Variants in PIP5K1C observed in about 807,000 individuals in gnomAD.
PIP5K1C encodes the protein phosphatidylinositol 4-phosphate 5-kinase type-1 gamma.
In PIP5K1C, 45 loss-of-function variants were observed where a neutral mutation model predicts 80.1. That is an observed-to-expected ratio of 0.56 (90% CI 0.44 to 0.72). The LOEUF (loss-of-function observed/expected upper bound fraction) is 0.72, where lower values mean the gene tolerates loss of function less well. PIP5K1C is among the 30% of genes least tolerant of loss of function. The pLI is 0.00. For missense variants in PIP5K1C, 753 were observed against 954.6 expected (o/e 0.79, Z 2.78); for synonymous variants, 498 against 420.1 (o/e 1.19, Z -2.27).
chr19:3,680,205 T>C (rs897767841), intron 1 of PIP5K1C, among the ~76,000 whole-genome samples: 1 of 152,198 alleles, frequency 6.6e-6, no homozygotes, highest in Non-Finnish European at 1.5e-5. Flanking sequence ...CGTTCATCCA[T>C]CCATCCATCC....
intron 5 of PIP5K1C, among the ~76,000 whole-genome samples, chr19:3,659,866 G>A (rs1256869044): frequency 3.9e-5 from 6 of 152,204 alleles, no homozygotes; most frequent in South Asian, 2.1e-4. Flanking sequence ...ACAAGGAACC[G>A]ACCACCGCGG....
chr19:3,669,568 G>A (rs995053100), intron 1 of PIP5K1C: 2 of 152,294 alleles, frequency 1.3e-5, no homozygotes, highest in African/African-American at 4.8e-5. Flanking sequence ...CCAGCAAAGA[G>A]TGCAGAGAAG....
chr19:3,643,295 G>A lies in PIP5K1C; in HGVS notation c.1597C>T (p.Leu533Phe), dbSNP rs1421587889. 7.4e-6 allele frequency: 12 copies of A among 1,614,042 alleles called. No homozygotes were observed. Among genetic ancestry groups the A allele is most frequent in the Non-Finnish European group, 1.0e-5 (12 of 1,179,978 alleles). Reference sequence around the variant, plus strand: ...GAGGGGGACCGCTCAGGAATGGAGAGGGATGTGGATGACAGAGTCGTGGCA... The same window carrying A: ...GAGGGGGACCGCTCAGGAATGGAGAAGGATGTGGATGACAGAGTCGTGGCA... Reference protein sequence around the residue: ...SIATTLSSTSLSIPERSPSET... With the variant: ...SIATTLSSTSFSIPERSPSET... Residue 533 changes from leucine (L) to phenylalanine (F), a missense_variant, in exon 13 of 18, where the codon CTC (leucine) becomes TTC (phenylalanine). Coordinates refer to ENST00000335312, the MANE Select transcript of PIP5K1C (RefSeq NM_012398.3).
rs187843760 is a variant in PIP5K1C at position 3,654,953 on chromosome 19, C to T, written c.622-1364G>A. Among the ~76,000 whole-genome samples the T allele has an allele frequency of 6.7e-3, 1,008 of 151,486 alleles. 13 individuals carry two copies. Among genetic ancestry groups the T allele is most frequent in the African/African-American group, 0.023 (964 of 41,280 alleles). ...TGAAACCCCATCTCTACTAAAAATA[C>T]AAAAATTAGCCAGGCGTGGTGGTAG... On this transcript the variant is annotated intron_variant, in intron 6 of 17. Transcript: ENST00000335312.
chr19:3,652,101 T>C (rs1599965260), intron 7 of PIP5K1C, 70 bp from the exon 8 acceptor site: 3 of 1,489,692 alleles, frequency 2.0e-6, no homozygotes, highest in Admixed American at 1.7e-5. Flanking sequence ...TCCCGGACCC[T>C]ATGGGGTTCC....
At chr19:3,672,771 CCT>C (rs2035249803) in intron 1 of PIP5K1C, among the ~76,000 whole-genome samples, 1 of 152,136 alleles carries the variant, frequency 6.6e-6, no homozygotes, top group African/African-American at 2.4e-5. Flanking sequence ...TGCCTCAGCC[CCT>C]GTGGGCACCT....
Position 3,633,463 on chromosome 19 carries a change from G to A in PIP5K1C, c.1978C>T (p.Pro660Ser). The A allele has an allele frequency of 6.6e-7, 1 of 1,508,680 alleles. No individual in the cohort carries two copies. The highest frequency in any genetic ancestry group is 1.4e-5 in the South Asian group (1 of 73,868). 93.5% of individuals were successfully genotyped at this position (1,508,680 alleles called of 1,614,324 possible). Residue 660 changes from proline to serine, a missense_variant, in exon 17 of 18, where the codon CCG (proline) becomes TCG (serine). This residue lies in a region of PIP5K1C where 315 missense variants were observed against 294.5 expected (regional missense o/e 1.07). Coordinates refer to ENST00000335312, the MANE Select transcript of PIP5K1C (RefSeq NM_012398.3). ...SPLHYSAQAP[P>S]ASDGESDT is the part of the protein sequence containing the mutation. ...GTGTCGCTCTCGCCGTCGGAGGCCG[G>A]GGGGGCCTGGGCGCTATAGTGGAGC... is the stretch of plus-strand genomic sequence containing the variant.
chr19:3,638,444 G>A (rs1039151473), intron 16 of PIP5K1C, among the ~76,000 whole-genome samples: 1 of 152,242 alleles, frequency 6.6e-6, no homozygotes, highest in Non-Finnish European at 1.5e-5. Context: ...ACAGGGAGAA[G>A]GTCCTGCCGC....
At chr19:3,658,446 T>C (rs759672875) in intron 5 of PIP5K1C, among the ~76,000 whole-genome samples, 14 of 152,116 alleles carry the variant, frequency 9.2e-5, no homozygotes, top group Non-Finnish European at 1.6e-4. Flanking sequence ...GCCACAAATA[T>C]CCACAGGAAA....
At chr19:3,633,352 C>A (rs1199928888) in intron 17 of PIP5K1C, 85 bp downstream of exon 17, 6 of 1,113,980 alleles carry the variant, frequency 5.4e-6, no homozygotes, top group Non-Finnish European at 7.6e-6. Flanking sequence ...GGGCCTCAGT[C>A]CCTGCCTATC....
intron 9 of PIP5K1C, among the ~76,000 whole-genome samples, chr19:3,647,901 C>T (rs556309907): frequency 4.6e-5 from 7 of 152,316 alleles, no homozygotes; most frequent in South Asian, 2.1e-4. Flanking sequence ...GAGCCAAGAT[C>T]GCACCAATGC....
At chr19:3,660,329 G>A (rs1041843235) in intron 5 of PIP5K1C, among the ~76,000 whole-genome samples, 2 of 151,788 alleles carry the variant, frequency 1.3e-5, no homozygotes, top group Non-Finnish European at 2.9e-5. Flanking sequence ...ACAGTGAGCC[G>A]AGATCGCACC....
chr19:3,641,972 C>T (rs1010957365), intron 14 of PIP5K1C, among the ~76,000 whole-genome samples, 163 bp from the exon 15 acceptor site: 1 of 152,204 alleles, frequency 6.6e-6, no homozygotes, highest in Non-Finnish European at 1.5e-5. Context: ...GGACTGTCCA[C>T]CTGGGTCCCT....
chr19:3,698,680 G>T (rs533418055), intron 1 of PIP5K1C, among the ~76,000 whole-genome samples: 1 of 152,166 alleles, frequency 6.6e-6, no homozygotes, highest in East Asian at 1.9e-4. Flanking sequence ...CCAAGGCACA[G>T]AAGCCCCAGT....
chr19:3,653,460 T>G lies in PIP5K1C; in HGVS notation c.751A>C (p.Lys251Gln), dbSNP rs541992813. 6.2e-7 allele frequency: 1 copy of G among 1,613,772 alleles called. No individual in the cohort carries two copies. The highest frequency in any genetic ancestry group is 8.5e-7 in the Non-Finnish European group (1 of 1,180,000). ...TAGGTGGAGCCCTTGAGGTCGAACT[T>G]GAGGTGCATCTTGACCACGCGGGGC... ...ILPRVVKMHL[K>Q]FDLKGSTYKR... The change falls in exon 7 of 18, where the codon AAG (lysine) becomes CAG (glutamine). Residue 251 changes from lysine to glutamine, a missense_variant. Lys to Gln is a moderately conservative substitution (Grantham distance 53, BLOSUM62 1). Around this residue, in one of 6 missense-constraint regions of PIP5K1C, gnomAD observed 139 missense variants for 289.7 expected, o/e 0.48. Transcript: ENST00000335312.
chr19:3,633,134 G>C lies in PIP5K1C; in HGVS notation c.*33C>G, dbSNP rs370877143. The C allele has an allele frequency of 1.3e-6, 1 of 758,586 alleles. No homozygotes were observed. The highest frequency in any genetic ancestry group is 2.5e-6 in the Non-Finnish European group (1 of 408,160). The allele number at this position is 758,586 out of a possible 1,614,324, so 47.0% of individuals were successfully genotyped here. A position where few individuals can be genotyped will look rare whatever the true frequency, so the allele number is the denominator to read the frequency against. ...TTCGGGGGCAGCCGGAGCAGAAGTG[G>C]AGCTCGGCTCTGGGTCGGGGGCTGC... is the stretch of plus-strand genomic sequence containing the variant. On this transcript the variant is annotated 3_prime_UTR_variant, in exon 18 of 18. Transcript: ENST00000335312.
chr19:3,685,359 C>T (rs2035724878), intron 1 of PIP5K1C, among the ~76,000 whole-genome samples: 1 of 152,190 alleles, frequency 6.6e-6, no homozygotes. Flanking sequence ...TTATATGGAA[C>T]TCATAAGGTC....
chr19:3,680,703 T>C (rs556049042), intron 1 of PIP5K1C, among the ~76,000 whole-genome samples: 1 of 152,352 alleles, frequency 6.6e-6, no homozygotes, highest in South Asian at 2.1e-4. Context: ...AAAAAACATC[T>C]TTTCTGTTTA....
intron 1 of PIP5K1C, among the ~76,000 whole-genome samples, chr19:3,672,005 G>A (rs768478466): frequency 6.6e-6 from 1 of 152,220 alleles, no homozygotes; most frequent in Non-Finnish European, 1.5e-5. Flanking sequence ...CCGCTGGCCA[G>A]GCCCGAGGCG....
Sources: allele counts gnomAD v4.1 joint callset (sites outside exome capture counted in the v4.1 genomes callset), GRCh38; gene constraint gnomAD v4.1.1; regional missense constraint gnomAD v4.1.1; transcripts MANE v1.5; gene names NCBI Gene and HGNC (gene_info 2026-07-23, HGNC 2026-07-21).